CACNA1A: variants seen among roughly 807,000 people sequenced by gnomAD.
CACNA1A encodes calcium voltage-gated channel subunit alpha1 A, also known as voltage-dependent P/Q-type calcium channel subunit alpha-1A.
A neutral mutation model predicts 262.4 loss-of-function variants in CACNA1A; 57 were observed. The observed-to-expected ratio is 0.22, with a 90% CI of 0.18 to 0.27. CACNA1A has a LOEUF of 0.27. CACNA1A is among the 10% of genes least tolerant of loss of function. The pLI, the probability that CACNA1A is intolerant of heterozygous loss-of-function variation, is 1.00. For missense variants in CACNA1A, 2,526 were observed against 3,562.8 expected (o/e 0.71, Z 7.41); for synonymous variants, 1,431 against 1,419.3 (o/e 1.01, Z -0.18).
Position 13,261,471 on chromosome 19 carries a change from T to C in CACNA1A, c.4229A>G (p.Lys1410Arg). The change falls in exon 26 of 47, where the codon AAA (lysine) becomes AGA (arginine). Residue 1410 changes from lysine to arginine, a missense_variant. Lys to Arg is a conservative substitution (Grantham distance 26). This residue lies in a region of CACNA1A where 137 missense variants were observed against 377.7 expected (regional missense o/e 0.36). Transcript: ENST00000360228. The stretch of plus-strand genomic sequence containing the variant: ...CCACCGACAATCTTTCTCAAACTCT[T>C]TGGACTCGTCAGTGCAGTGGAAGAA... ...GKFFHCTDES[K>R]EFEKDCRGKY... 6.3e-7 allele frequency: 1 copy of C among 1,579,462 alleles called. No homozygotes were observed. Among genetic ancestry groups the C allele is most frequent in the Non-Finnish European group, 8.6e-7 (1 of 1,162,760 alleles).
chr19:13,283,204 C>T, intron 22 of CACNA1A, 63 bp downstream of exon 22: 1 of 1,582,378 alleles, frequency 6.3e-7, no homozygotes, highest in Non-Finnish European at 8.6e-7. Flanking sequence ...ATTTTGGATG[C>T]AGGAGAAAGT....
At chr19:13,420,556 C>A (rs1203012036) in intron 3 of CACNA1A, among the ~76,000 whole-genome samples, 1 of 151,948 alleles carries the variant, frequency 6.6e-6, no homozygotes, top group Non-Finnish European at 1.5e-5. Context: ...GGATGCCAGA[C>A]AAAGAATACC....
Position 13,365,230 on chromosome 19 carries a change from G to T in CACNA1A, c.784+87C>A, listed in dbSNP as rs1260142852. On this transcript the variant is annotated intron_variant, in intron 5 of 46. Coordinates refer to ENST00000360228, the MANE Select transcript of CACNA1A (RefSeq NM_001127222.2). The stretch of plus-strand genomic sequence containing the variant: ...GAGACGGTCCTCCCAGCTGCCAGGA[G>T]AAAGAAGCACACCCCTGCCTAATCC... The T allele has an allele frequency of 8.2e-6, 10 of 1,225,938 alleles. No individual in the cohort carries two copies. The Admixed American group carries it at 1.7e-4, about 20-fold the overall frequency. 75.9% of individuals were successfully genotyped at this position (1,225,938 alleles called of 1,614,324 possible).
chr19:13,251,458 G>A (rs919318839), intron 30 of CACNA1A, among the ~76,000 whole-genome samples: 1 of 152,142 alleles, frequency 6.6e-6, no homozygotes, highest in Non-Finnish European at 1.5e-5. Context: ...ACTCCAGCCT[G>A]GGCAACAGCG....
chr19:13,475,738 T>C (rs1358078481), intron 1 of CACNA1A, among the ~76,000 whole-genome samples: 1 of 151,902 alleles, frequency 6.6e-6, no homozygotes, highest in Non-Finnish European at 1.5e-5. Flanking sequence ...GAGAATTAAA[T>C]CTAGATAGCA....
chr19:13,336,914 C>G (rs918345176), intron 6 of CACNA1A, among the ~76,000 whole-genome samples: 10 of 152,234 alleles, frequency 6.6e-5, no homozygotes, highest in African/African-American at 2.2e-4. Context: ...TTGCCTCCAG[C>G]TGTCAGGGCA....
At chr19:13,259,778 G>A in intron 26 of CACNA1A, 77 bp from the exon 27 acceptor site, 1 of 1,511,818 alleles carries the variant, frequency 6.6e-7, no homozygotes, top group Non-Finnish European at 9.0e-7. Context: ...ATCAGAGACA[G>A]GGGGAGGGAA....
intron 5 of CACNA1A, among the ~76,000 whole-genome samples, 151 bp from the exon 6 acceptor site, chr19:13,359,950 G>T (rs1047836252): frequency 2.6e-5 from 4 of 151,882 alleles, no homozygotes; most frequent in Non-Finnish European, 5.9e-5. Flanking sequence ...TTGGCTTTGG[G>T]GGTCTATTAT....
At chr19:13,261,699 A>G (rs2144768086) in intron 25 of CACNA1A, 89 bp from the exon 26 acceptor site, 1 of 1,281,148 alleles carries the variant, frequency 7.8e-7, no homozygotes, top group South Asian at 1.3e-5. Context: ...AAATACTGCC[A>G]TGATCATTCC....
At chr19:13,431,248 G>C (rs754242487) in intron 3 of CACNA1A, among the ~76,000 whole-genome samples, 20 of 151,996 alleles carry the variant, frequency 1.3e-4, no homozygotes, top group Non-Finnish European at 2.2e-4. Context: ...GATTGGGGTG[G>C]AGGGGCAACT....
At chr19:13,305,172 C>T (rs957823056) in intron 15 of CACNA1A, among the ~76,000 whole-genome samples, 11 of 152,254 alleles carry the variant, frequency 7.2e-5, no homozygotes, top group East Asian at 1.9e-4. Flanking sequence ...TGTAGGTAAC[C>T]GGGGCTTGGT....
chr19:13,391,909 T>G (rs970198344), intron 3 of CACNA1A, among the ~76,000 whole-genome samples: 17 of 151,286 alleles, frequency 1.1e-4, no homozygotes, highest in Admixed American at 1.3e-4. Context: ...TGGTGGCTTG[T>G]GCCTGTAGCC....
chr19:13,285,133 A>C lies in CACNA1A; in HGVS notation c.3627T>G (p.Arg1209=), dbSNP rs1299661892. Reference sequence around the variant, plus strand: ...GCATTGGCTTAGGGCCGTCTTCCCCACGGTCGTCTTCCTCCTCCTCCTTCT... The same window carrying C: ...GCATTGGCTTAGGGCCGTCTTCCCCCCGGTCGTCTTCCTCCTCCTCCTTCT... ...EEKKEEEEDD[R]GEDGPKPMPP... Residue 1209 remains arginine, a synonymous_variant, in exon 21 of 47, where the codon CGT becomes CGG. Coordinates refer to ENST00000360228, the MANE Select transcript of CACNA1A (RefSeq NM_001127222.2). 6.2e-7 allele frequency: 1 copy of C among 1,613,780 alleles called. No individual in the cohort carries two copies. Among genetic ancestry groups the C allele is most frequent in the Non-Finnish European group, 8.5e-7 (1 of 1,179,826 alleles).
intron 6 of CACNA1A, among the ~76,000 whole-genome samples, chr19:13,356,682 C>A (rs921139900): frequency 1.3e-5 from 2 of 152,152 alleles, no homozygotes; most frequent in Non-Finnish European, 2.9e-5. Context: ...TTTTTCAGCT[C>A]CCATTCCCCA....
chr19:13,292,401 C>T (rs964232437), intron 19 of CACNA1A, among the ~76,000 whole-genome samples: 6 of 151,780 alleles, frequency 4.0e-5, no homozygotes, highest in Admixed American at 6.6e-5. Flanking sequence ...TCGCTTGAAC[C>T]CAGGAGTTGG....
rs377082780 is a variant in CACNA1A, at chr19:13,255,167, G to A, written c.4683C>T (p.Phe1561=). Reference sequence around the variant, plus strand: ...TGTACTCGAAAGGCGGAGACACCACGAACTGCCACATGCGGTACTGGAAGC... The same window carrying A: ...TGTACTCGAAAGGCGGAGACACCACAAACTGCCACATGCGGTACTGGAAGC... ...KQSFQYRMWQ[F]VVSPPFEYTI... is the part of the protein sequence containing the mutation. The change falls in exon 29 of 47, where the codon TTC becomes TTT. Residue 1561 remains phenylalanine (F), a synonymous_variant. Transcript: ENST00000360228. The A allele has an allele frequency of 1.2e-5, 20 of 1,613,776 alleles. No individual in the cohort carries two copies. The highest frequency in any genetic ancestry group is 2.2e-5 in the East Asian group (1 of 44,886).
intron 24 of CACNA1A, among the ~76,000 whole-genome samples, chr19:13,271,125 C>CG (rs1327728687): frequency 4.0e-3 from 3 of 752 alleles, no homozygotes; most frequent in African/African-American, 0.027. Context: ...AGTTGTAGGC[C>CG]AATTTGAATG....
intron 1 of CACNA1A, among the ~76,000 whole-genome samples, chr19:13,486,394 G>GTC (rs150007642): frequency 6.6e-6 from 1 of 150,802 alleles, no homozygotes; most frequent in African/African-American, 2.4e-5. Flanking sequence ...CTGTCTGTCT[G>GTC]TCTCTCTCTC....
chr19:13,223,322 TAGC>T (rs2055306556), intron 38 of CACNA1A, among the ~76,000 whole-genome samples: 1 of 152,174 alleles, frequency 6.6e-6, no homozygotes, highest in Non-Finnish European at 1.5e-5. Context: ...TCCTCCCTAG[TAGC>T]TGGGACTACA....
Sources: gnomAD v4.1 joint callset for allele counts (sites outside exome capture counted in the v4.1 genomes callset) on GRCh38, gnomAD v4.1.1 for gene constraint, gnomAD v4.1.1 regional missense constraint, MANE v1.5 for transcripts, NCBI Gene and HGNC (gene_info 2026-07-23, HGNC 2026-07-21) for gene names.